E2F7: variants seen among roughly 807,000 people sequenced by gnomAD.
E2F7 encodes the protein transcription factor E2F7.
In E2F7, 35 loss-of-function variants were observed where a neutral mutation model predicts 81.1. The ratio of observed to expected loss-of-function variants is 0.43; its 90% CI spans 0.33 to 0.57. The LOEUF (loss-of-function observed/expected upper bound fraction) is 0.57. Among genes scored for constraint, E2F7 ranks in the 20% least tolerant of loss-of-function variants. The pLI is 0.04. For synonymous variants in E2F7, 416 were observed against 416.2 expected, an observed-to-expected ratio of 1.00 and a Z score of 0.01; for missense variants, 961 against 1,093.7, an observed-to-expected ratio of 0.88 and a Z score of 1.71.
chr12:77,036,379 G>C (rs1240602394), intron 7 of E2F7, among the ~76,000 whole-genome samples: 1 of 152,038 alleles, frequency 6.6e-6, no homozygotes, highest in African/African-American at 2.4e-5. Flanking sequence ...TTAATAAAAG[G>C]CTGAGTGTGT....
At chr12:77,046,541 TAAGATAAAACATCTATCTAGAGATGG>T (rs1288730573) in intron 4 of E2F7, among the ~76,000 whole-genome samples, 1 of 152,244 alleles carries the variant, frequency 6.6e-6, no homozygotes, top group African/African-American at 2.4e-5. Flanking sequence ...TAAAAAAATC[TAAGATAAAACATCTATCTAGAGATGG>T]TGACATTTCC....
At chr12:77,060,068 C>T (rs1955066546) in intron 2 of E2F7, among the ~76,000 whole-genome samples, 1 of 151,878 alleles carries the variant, frequency 6.6e-6, no homozygotes, top group Non-Finnish European at 1.5e-5. Context: ...GACTGTATTG[C>T]AGCTCCACTT....
At chr12:77,032,946 G>A (rs1565897839) in intron 9 of E2F7, 104 bp downstream of exon 9, 1 of 1,003,416 alleles carries the variant, frequency 1.0e-6, no homozygotes, top group Non-Finnish European at 1.5e-6. Context: ...ACAAATAAAC[G>A]GCTGACCTAA....
intron 5 of E2F7, among the ~76,000 whole-genome samples, chr12:77,045,115 T>C (rs189546316): frequency 2.8e-4 from 42 of 152,296 alleles, no homozygotes; most frequent in Admixed American, 2.2e-3. Context: ...GAAAGATTAA[T>C]GTAGAAGGAT....
chr12:77,063,947 T>G (rs1340174880), intron 2 of E2F7, among the ~76,000 whole-genome samples: 3 of 152,356 alleles, frequency 2.0e-5, no homozygotes, highest in Non-Finnish European at 4.4e-5. Flanking sequence ...CTTTGTAATG[T>G]TCTTGAAAAC....
intron 4 of E2F7, 60 bp from the exon 5 acceptor site, chr12:77,046,388 C>T (rs1259574021): frequency 1.3e-6 from 2 of 1,545,954 alleles, no homozygotes; most frequent in African/African-American, 2.7e-5. Context: ...AAGAGAAGTT[C>T]CTTGAGGGCC....
At position 77,056,046 on chromosome 12, in the gene E2F7, AT is replaced by A. The variant is rs771114476; in HGVS notation, c.177del (p.Lys59AsnfsTer29). The A allele has an allele frequency of 6.2e-7, 1 of 1,613,274 alleles. No homozygotes were observed. The highest frequency in any genetic ancestry group is 1.7e-5 in the Admixed American group (1 of 59,952). ...NEPIDLSKQK[K>X]FTPERNPITP... The stretch of plus-strand genomic sequence containing the variant: ...GTAATGGGATTTCTTTCTGGAGTAA[AT>A]TTTTTTTGCTTCGATAAATCAATTG... On this transcript the variant is annotated frameshift_variant, in exon 3 of 13. Coordinates refer to ENST00000322886, the MANE Select transcript of E2F7 (RefSeq NM_203394.3). LOFTEE classifies it high-confidence loss of function.
intron 5 of E2F7, among the ~76,000 whole-genome samples, chr12:77,045,207 T>C (rs903624395): frequency 6.6e-6 from 1 of 152,218 alleles, no homozygotes; most frequent in African/African-American, 2.4e-5. Context: ...TTTATTTCTC[T>C]GTGTCCGCAA....
chr12:77,044,630 T>G lies in E2F7; in HGVS notation c.988+7A>C. ...GCTAGTAAGTTGATGGAGGTGAAGA[T>G]TCTTACTTTTAAATTTACTATGGTC... On this transcript the variant is annotated splice_region_variant and intron_variant, in intron 6 of 12. Transcript: ENST00000322886. The G allele has an allele frequency of 1.2e-6, 2 of 1,613,456 alleles. No individual in the cohort carries two copies. The highest frequency in any genetic ancestry group is 1.7e-6 in the Non-Finnish European group (2 of 1,179,810).
At chr12:77,059,658 G>A (rs1159885744) in intron 2 of E2F7, among the ~76,000 whole-genome samples, 1 of 152,126 alleles carries the variant, frequency 6.6e-6, no homozygotes, top group East Asian at 1.9e-4. Context: ...TTCCTGGGAA[G>A]CCTCTCCTGT....
In E2F7 at chr12:77,025,887, T is replaced by C. The variant is rs199637500; in HGVS notation, c.2236A>G (p.Met746Val). 37 of 1,613,856 alleles carry C rather than the reference T, an allele frequency of 2.3e-5. No individual in the cohort carries two copies. The highest frequency in any genetic ancestry group is 3.3e-4 in the Middle Eastern group (2 of 6,084). ...CCCAGAGGTGGAGATGGTAAGACCA[T>C]GCAAGGGACACTGAAAGACGGCAGC... ...GQLPSFSVPC[M>V]VLPSPPLGPF... Residue 746 changes from methionine to valine, a missense_variant, in exon 12 of 13, where the codon ATG (methionine) becomes GTG (valine). Met to Val is a conservative substitution (Grantham distance 21, BLOSUM62 1). Around this residue, in one of 3 missense-constraint regions of E2F7, gnomAD observed 587 missense variants for 620.3 expected, o/e 0.95. Transcript: ENST00000322886.
intron 2 of E2F7, among the ~76,000 whole-genome samples, chr12:77,062,887 T>TAA (rs200772361): frequency 0.014 from 1,866 of 131,872 alleles, 52 homozygotes; most frequent in African/African-American, 0.051. Flanking sequence ...CTTAGATAAT[T>TAA]AAAAAAAAAA....
Position 77,022,796 on chromosome 12 carries a change from G to T in E2F7, c.*1219C>A, listed in dbSNP as rs1416928483. On this transcript the variant is annotated 3_prime_UTR_variant, in exon 13 of 13. Transcript: ENST00000322886. ...TTAATGCACCCCTAAAGTAATGTGG[G>T]TTAAAAAAGGGAAATTGCATAACAG... The T allele has an allele frequency of 2.0e-5, 3 of 152,136 alleles. No homozygotes were observed. The highest frequency in any genetic ancestry group is 7.2e-5 in the African/African-American group (3 of 41,444). 9.4% of individuals were successfully genotyped at this position (152,136 alleles called of 1,614,324 possible).
chr12:77,062,858 G>A (rs1955088591), intron 2 of E2F7, among the ~76,000 whole-genome samples: 1 of 150,298 alleles, frequency 6.7e-6, no homozygotes, highest in Admixed American at 6.6e-5. Context: ...TTTAAGTCTG[G>A]GCATTTCCAC....
chr12:77,044,570 GA>G (rs1954923513), intron 6 of E2F7, 66 bp downstream of exon 6: 1 of 1,547,524 alleles, frequency 6.5e-7, no homozygotes, highest in African/African-American at 1.4e-5. Context: ...CTTGGAAGCA[GA>G]AAATATCAAC....
At chr12:77,054,348 A>C (rs1005175775) in intron 3 of E2F7, among the ~76,000 whole-genome samples, 6 of 152,176 alleles carry the variant, frequency 3.9e-5, no homozygotes, top group Non-Finnish European at 5.9e-5. Flanking sequence ...CAAAAAAATC[A>C]ATTGTATTTG....
chr12:77,061,379 T>C (rs562903492), intron 2 of E2F7, among the ~76,000 whole-genome samples: 4 of 152,320 alleles, frequency 2.6e-5, no homozygotes, highest in African/African-American at 9.6e-5. Flanking sequence ...AGTTTGGGCA[T>C]TGTCCCCAAA....
At chr12:77,045,935 CA>C in intron 5 of E2F7, 102 bp downstream of exon 5, 1 of 1,418,550 alleles carries the variant, frequency 7.0e-7, no homozygotes, top group South Asian at 1.4e-5. Flanking sequence ...CATCTCCCTC[CA>C]GGGTTGTCAA....
At chr12:77,055,040 G>T (rs1372458530) in intron 3 of E2F7, among the ~76,000 whole-genome samples, 1 of 152,098 alleles carries the variant, frequency 6.6e-6, no homozygotes, top group African/African-American at 2.4e-5. Context: ...TTAAAAAAAG[G>T]AATTGTGAAA....
Sources: allele counts gnomAD v4.1 joint callset (sites outside exome capture counted in the v4.1 genomes callset), GRCh38; gene constraint gnomAD v4.1.1; regional missense constraint gnomAD v4.1.1; transcripts MANE v1.5; gene names NCBI Gene and HGNC (gene_info 2026-07-23, HGNC 2026-07-21).